Variants in PIK3CB observed in about 807,000 individuals in gnomAD.
PIK3CB encodes the protein phosphatidylinositol 4,5-bisphosphate 3-kinase catalytic subunit beta isoform.
PIK3CB carries 39 observed loss-of-function variants against 136.8 expected under a neutral mutation model. The ratio of observed to expected loss-of-function variants is 0.29; its 90% confidence interval spans 0.22 to 0.37. The LOEUF is 0.37. PIK3CB is among the 10% of genes least tolerant of loss of function. The pLI is 1.00. For missense variants in PIK3CB, 868 were observed against 1,275.4 expected, an observed-to-expected ratio of 0.68 and a Z score of 4.87; for synonymous variants, 428 against 436.6, an observed-to-expected ratio of 0.98 and a Z score of 0.25.
rs533328722 is a variant in PIK3CB, at chr3:138,784,905, G to A, written c.-17+11558C>T. 2.0e-5 allele frequency among the ~76,000 whole-genome samples: 3 copies of A among 151,698 alleles called. No homozygotes were observed. The South Asian group carries it at 6.3e-4, about 32-fold the overall frequency. On this transcript the variant is annotated intron_variant, in intron 2 of 23. Transcript: ENST00000674063. The stretch of plus-strand genomic sequence containing the variant: ...GGCCACCCATGGTCTGGGATGTGAG[G>A]AGCCCCTCTGCCCGGCCGCCACCCC...
intron 2 of PIK3CB, among the ~76,000 whole-genome samples, chr3:138,782,877 C>A (rs932791121): frequency 2.6e-5 from 4 of 152,204 alleles, no homozygotes; most frequent in African/African-American, 9.7e-5. Flanking sequence ...CATTTTTGGT[C>A]TGTTGACAGC....
chr3:138,788,985 A>AC (rs1208523692), intron 2 of PIK3CB, among the ~76,000 whole-genome samples: 3 of 149,892 alleles, frequency 2.0e-5, no homozygotes, highest in Non-Finnish European at 4.4e-5. Context: ...AAAAAAAAAA[A>AC]AAAAAAACAA....
chr3:138,799,954 C>T (rs2046154036), intron 1 of PIK3CB, among the ~76,000 whole-genome samples: 1 of 152,178 alleles, frequency 6.6e-6, no homozygotes. Flanking sequence ...GCTGGGATTA[C>T]AGGCATAAGC....
At chr3:138,696,911 A>G (rs996766158) in intron 13 of PIK3CB, among the ~76,000 whole-genome samples, 1 of 152,198 alleles carries the variant, frequency 6.6e-6, no homozygotes, top group Non-Finnish European at 1.5e-5. Context: ...CCCATAAATA[A>G]CACTGAAAAG....
intron 2 of PIK3CB, among the ~76,000 whole-genome samples, chr3:138,784,388 C>CA (rs2045951612): frequency 1.3e-5 from 2 of 151,798 alleles, no homozygotes; most frequent in Non-Finnish European, 2.9e-5. Context: ...TATCAAAAAA[C>CA]AAAAAAAGGC....
intron 8 of PIK3CB, among the ~76,000 whole-genome samples, chr3:138,720,745 G>A (rs1052517819): frequency 1.3e-5 from 2 of 152,062 alleles, no homozygotes; most frequent in Non-Finnish European, 2.9e-5. Flanking sequence ...GCGTGCACCT[G>A]TAGTCACAGC....
At chr3:138,679,755 A>ATTATTATTC in intron 19 of PIK3CB, among the ~76,000 whole-genome samples, 1 of 147,064 alleles carries the variant, frequency 6.8e-6, no homozygotes, top group South Asian at 2.1e-4. Context: ...GCTAATTATT[A>ATTATTATTC]TTATTATTAT....
intron 6 of PIK3CB, among the ~76,000 whole-genome samples, chr3:138,737,279 A>C (rs425901): frequency 1.3e-5 from 2 of 150,900 alleles, no homozygotes; most frequent in African/African-American, 4.9e-5. Flanking sequence ...TGTAATCCCA[A>C]CTACTCGGGT....
intron 21 of PIK3CB, among the ~76,000 whole-genome samples, 163 bp from the exon 22 acceptor site, chr3:138,657,998 C>A (rs534535386): frequency 3.3e-5 from 5 of 152,230 alleles, no homozygotes; most frequent in African/African-American, 1.2e-4. Context: ...GAGACCATAT[C>A]TAACACTCTT....
At chr3:138,700,969 A>AG (rs562806249) in intron 12 of PIK3CB, among the ~76,000 whole-genome samples, 270 of 152,270 alleles carry the variant, frequency 1.8e-3, no homozygotes, top group Admixed American at 5.0e-3. Context: ...ACTTTATACT[A>AG]GAAAAACCTA....
intron 2 of PIK3CB, among the ~76,000 whole-genome samples, chr3:138,761,184 C>T (rs2045657863): frequency 6.6e-6 from 1 of 152,154 alleles, no homozygotes; most frequent in African/African-American, 2.4e-5. Context: ...TCATGAAATG[C>T]AATAGTCAGT....
intron 8 of PIK3CB, among the ~76,000 whole-genome samples, chr3:138,716,264 T>G (rs1559837074): frequency 6.6e-6 from 1 of 152,104 alleles, no homozygotes; most frequent in African/African-American, 2.4e-5. Flanking sequence ...AGTCCCCTGG[T>G]CCCATATTGC....
intron 6 of PIK3CB, 125 bp from the exon 7 acceptor site, chr3:138,734,929 T>A: frequency 6.0e-6 from 3 of 496,916 alleles, no homozygotes; most frequent in Non-Finnish European, 3.2e-6. Flanking sequence ...CACAGCAGAA[T>A]ATCAAGAAAT....
intron 8 of PIK3CB, among the ~76,000 whole-genome samples, chr3:138,725,591 A>T (rs2108616844): frequency 6.6e-6 from 1 of 152,224 alleles, no homozygotes; most frequent in Non-Finnish European, 1.5e-5. Flanking sequence ...AAGTTCACTG[A>T]TCCTTTCCTT....
At chr3:138,662,165 G>T (rs981571747) in intron 21 of PIK3CB, among the ~76,000 whole-genome samples, 1 of 147,950 alleles carries the variant, frequency 6.8e-6, no homozygotes, top group Non-Finnish European at 1.5e-5. Flanking sequence ...CAATGTGCCG[G>T]TTAGTTACAT....
chr3:138,726,288 C>A (rs1227961312), intron 8 of PIK3CB, among the ~76,000 whole-genome samples: 6 of 152,158 alleles, frequency 3.9e-5, no homozygotes, highest in African/African-American at 1.4e-4. Context: ...TGCAATGTTC[C>A]AAGTATTTTT....
chr3:138,709,919 A>G lies in PIK3CB; in HGVS notation c.1399+2289T>C, dbSNP rs190660183. Among the ~76,000 whole-genome samples the G allele has an allele frequency of 4.8e-3, 724 of 151,790 alleles. 5 individuals carry two copies. Among genetic ancestry groups the G allele is most frequent in the Non-Finnish European group, 8.9e-3 (604 of 67,922 alleles). Reference sequence around the variant, plus strand: ...AGGCTGGGAGCTGTGGCTCATGCCTATAATCCTAGCACTTTGGGAGGCTGA... The same window carrying G: ...AGGCTGGGAGCTGTGGCTCATGCCTGTAATCCTAGCACTTTGGGAGGCTGA... On this transcript the variant is annotated intron_variant, in intron 10 of 23. Coordinates refer to ENST00000674063, the MANE Select transcript of PIK3CB (RefSeq NM_006219.3).
chr3:138,706,333 C>T (rs889437776), intron 11 of PIK3CB, among the ~76,000 whole-genome samples: 3 of 152,172 alleles, frequency 2.0e-5, no homozygotes, highest in African/African-American at 7.2e-5. Context: ...ATTTAGCCCC[C>T]ATTAGATAAT....
intron 19 of PIK3CB, among the ~76,000 whole-genome samples, chr3:138,681,321 C>T (rs1232793869): frequency 6.6e-6 from 1 of 152,176 alleles, no homozygotes; most frequent in Non-Finnish European, 1.5e-5. Context: ...GCTGGGATTA[C>T]AGGTGTGTGC....
Sources: allele counts gnomAD v4.1 joint callset (sites outside exome capture counted in the v4.1 genomes callset), GRCh38; gene constraint gnomAD v4.1.1; transcripts MANE v1.5; gene names NCBI Gene and HGNC (gene_info 2026-07-23, HGNC 2026-07-21).